The following STXBP5L variants were observed in gnomAD, a reference collection of about 807,000 sequenced individuals.
STXBP5L encodes the protein syntaxin binding protein 5L.
In STXBP5L, 65 loss-of-function variants were observed where a neutral mutation model predicts 144.5. The observed-to-expected ratio is 0.45, with a 90% confidence interval of 0.37 to 0.55. STXBP5L has a LOEUF of 0.55. Among genes scored for constraint, STXBP5L ranks in the 20% least tolerant of loss-of-function variants. The probability of loss-of-function intolerance (pLI) is 0.00; values close to 1 mark genes in which losing one functional copy is unlikely to be tolerated. For missense variants in STXBP5L, 1,298 were observed against 1,405.5 expected, an observed-to-expected ratio of 0.92 and a Z score of 1.22; for synonymous variants, 505 against 469.6, an observed-to-expected ratio of 1.08 and a Z score of -0.97.
At chr3:121,379,309 G>T (rs1336021527) in intron 21 of STXBP5L, among the ~76,000 whole-genome samples, 1 of 152,054 alleles carries the variant, frequency 6.6e-6, no homozygotes, top group African/African-American at 2.4e-5. Flanking sequence ...AAATTCTAAA[G>T]TTTGCAATTT....
chr3:121,324,974 A>G (rs2044095767), intron 20 of STXBP5L, among the ~76,000 whole-genome samples: 2 of 152,068 alleles, frequency 1.3e-5, no homozygotes, highest in Admixed American at 6.5e-5. Flanking sequence ...GTAATTCTTC[A>G]TAATACCATG....
rs569872100 is a variant in STXBP5L at position 121,191,948 on chromosome 3, G to A, written c.878-13975G>A. On this transcript the variant is annotated intron_variant, in intron 9 of 26. Coordinates refer to ENST00000471454, the MANE Select transcript of STXBP5L (RefSeq NM_001308330.2). ...ACATCACACACAGGGGCCTGTTTTGGGGTGGGGGATGGGGGGAGGGATAGC... is the reference window on the plus strand; with the variant it reads ...ACATCACACACAGGGGCCTGTTTTGAGGTGGGGGATGGGGGGAGGGATAGC... 8.8e-4 allele frequency among the ~76,000 whole-genome samples: 133 copies of A among 151,936 alleles called. 1 individual carries two copies. The highest frequency in any genetic ancestry group is 1.8e-3 in the Non-Finnish European group (120 of 67,964).
intron 11 of STXBP5L, among the ~76,000 whole-genome samples, chr3:121,226,219 A>G (rs2049120655): frequency 6.6e-6 from 1 of 152,230 alleles, no homozygotes; most frequent in East Asian, 1.9e-4. Context: ...GCTAAAAGAC[A>G]TGTCTAGTAA....
intron 22 of STXBP5L, among the ~76,000 whole-genome samples, chr3:121,390,524 A>G (rs2046554224): frequency 1.3e-5 from 2 of 152,166 alleles, no homozygotes. Context: ...AATGGCTGGT[A>G]CCGGTTGTTT....
At chr3:121,026,829 TA>T (rs1945981160) in intron 3 of STXBP5L, among the ~76,000 whole-genome samples, 2 of 151,822 alleles carry the variant, frequency 1.3e-5, no homozygotes, top group African/African-American at 4.8e-5. Context: ...ACATGTACCC[TA>T]AAACTTAAAG....
Position 121,264,375 on chromosome 3 carries a change from A to G in STXBP5L, c.1958+5207A>G, listed in dbSNP as rs140833990. On this transcript the variant is annotated intron_variant, in intron 18 of 26. Transcript: ENST00000471454. ...CAAACAAGTTATATGTTTCCAAAAT[A>G]CAATGGTGACATCAGCACAAAGTAA... 3.1e-3 allele frequency among the ~76,000 whole-genome samples: 466 copies of G among 152,300 alleles called. 5 individuals carry two copies. The highest frequency in any genetic ancestry group is 0.011 in the African/African-American group (449 of 41,582).
At chr3:120,960,815 C>G (rs572487754) in intron 3 of STXBP5L, among the ~76,000 whole-genome samples, 5 of 151,854 alleles carry the variant, frequency 3.3e-5, no homozygotes, top group South Asian at 2.1e-4. Flanking sequence ...ATGTAAATGA[C>G]GAGTTAATGG....
At chr3:121,179,275 A>C (rs1340990205) in intron 9 of STXBP5L, among the ~76,000 whole-genome samples, 1 of 152,140 alleles carries the variant, frequency 6.6e-6, no homozygotes, top group African/African-American at 2.4e-5. Context: ...AATAACCAAC[A>C]TCAGGAAAAG....
At chr3:121,266,446 C>T (rs2050569964) in intron 18 of STXBP5L, among the ~76,000 whole-genome samples, 1 of 152,172 alleles carries the variant, frequency 6.6e-6, no homozygotes, top group Non-Finnish European at 1.5e-5. Context: ...TAAAAACTCT[C>T]AATAAACTAG....
intron 18 of STXBP5L, among the ~76,000 whole-genome samples, chr3:121,265,331 A>G (rs2050526410): frequency 1.3e-5 from 2 of 152,162 alleles, no homozygotes; most frequent in Admixed American, 6.5e-5. Flanking sequence ...ACTCAAAACC[A>G]TGCAACTACA....
At chr3:121,102,415 A>G (rs1352621650) in intron 5 of STXBP5L, among the ~76,000 whole-genome samples, 1 of 152,152 alleles carries the variant, frequency 6.6e-6, no homozygotes, top group Admixed American at 6.6e-5. Flanking sequence ...CCACACACCT[A>G]CAGCCATCTG....
chr3:121,393,259 T>C (rs539382869), intron 22 of STXBP5L, among the ~76,000 whole-genome samples: 65 of 152,110 alleles, frequency 4.3e-4, no homozygotes, highest in Admixed American at 2.9e-3. Context: ...TGTATTTTGC[T>C]CACTTTTTAA....
intron 5 of STXBP5L, among the ~76,000 whole-genome samples, chr3:121,067,025 A>G (rs577972807): frequency 1.3e-5 from 2 of 152,108 alleles, no homozygotes; most frequent in East Asian, 1.9e-4. Flanking sequence ...GTAGTTTACT[A>G]TTTTCAATTC....
At chr3:121,248,823 A>G (rs1378300478) in intron 14 of STXBP5L, among the ~76,000 whole-genome samples, 1 of 152,186 alleles carries the variant, frequency 6.6e-6, no homozygotes, top group African/African-American at 2.4e-5. Context: ...ATTTTTGTAT[A>G]TGGTGAAAGG....
At chr3:121,362,813 C>G (rs1438327016) in intron 20 of STXBP5L, among the ~76,000 whole-genome samples, 1 of 152,086 alleles carries the variant, frequency 6.6e-6, no homozygotes, top group African/African-American at 2.4e-5. Context: ...AGTTTTGCCC[C>G]ATAGCCACCA....
chr3:121,405,492 T>C (rs2046975661), intron 22 of STXBP5L, among the ~76,000 whole-genome samples: 1 of 152,156 alleles, frequency 6.6e-6, no homozygotes, highest in Non-Finnish European at 1.5e-5. Flanking sequence ...TACTTGATAC[T>C]GTATGTATTG....
chr3:121,116,761 C>T (rs1169585312), intron 6 of STXBP5L, among the ~76,000 whole-genome samples: 1 of 151,908 alleles, frequency 6.6e-6, no homozygotes, highest in Non-Finnish European at 1.5e-5. Context: ...TGGGAGGGTC[C>T]TTTTCCCCTG....
At chr3:121,238,182 AT>A (rs1168290153) in intron 12 of STXBP5L, among the ~76,000 whole-genome samples, 1 of 151,772 alleles carries the variant, frequency 6.6e-6, no homozygotes, top group Non-Finnish European at 1.5e-5. Context: ...CTAGTAATTT[AT>A]TTTTTTTCAA....
chr3:121,336,537 A>G (rs960267113), intron 20 of STXBP5L, among the ~76,000 whole-genome samples: 2 of 152,024 alleles, frequency 1.3e-5, no homozygotes, highest in Non-Finnish European at 2.9e-5. Flanking sequence ...CAAACAAACA[A>G]AAAAATCCAC....
Sources: gnomAD v4.1 joint callset for allele counts (sites outside exome capture counted in the v4.1 genomes callset) on GRCh38, gnomAD v4.1.1 for gene constraint, MANE v1.5 for transcripts, NCBI Gene and HGNC (gene_info 2026-07-23, HGNC 2026-07-21) for gene names.